The following ATRNL1 variants were observed in gnomAD, a reference collection of about 807,000 sequenced individuals.
The protein encoded by ATRNL1 is attractin like 1.
A neutral mutation model predicts 182.7 loss-of-function variants in ATRNL1; 95 were observed. The ratio of observed to expected loss-of-function variants is 0.52; its 90% CI spans 0.44 to 0.62. The LOEUF is 0.62. Ranked by LOEUF, ATRNL1 falls within the 20% of genes least tolerant of loss-of-function variation. The pLI is 0.00. For missense variants in ATRNL1, 1,471 were observed against 1,679.5 expected (o/e 0.88, Z 2.17); for synonymous variants, 576 against 568.3 (o/e 1.01, Z -0.19).
intron 27 of ATRNL1, among the ~76,000 whole-genome samples, chr10:115,786,349 A>G (rs868960764): frequency 2.6e-5 from 4 of 152,126 alleles, no homozygotes; most frequent in Admixed American, 6.5e-5. Flanking sequence ...ACAGAAGTGT[A>G]TGGTTTCACA....
chr10:115,808,573 G>A (rs12778588), intron 27 of ATRNL1, among the ~76,000 whole-genome samples: 80,998 of 151,512 alleles, frequency 0.53, 22,081 homozygotes, highest in East Asian at 0.77. Context: ...TGTATGGCTA[G>A]GTATATGTGC....
chr10:115,152,918 T>C (rs1196532071), intron 5 of ATRNL1, among the ~76,000 whole-genome samples: 1 of 152,152 alleles, frequency 6.6e-6, no homozygotes, highest in Admixed American at 6.5e-5. Context: ...AGATTTTTTT[T>C]AGCATGAAGG....
chr10:115,184,973 A>G (rs1847886829), intron 8 of ATRNL1, among the ~76,000 whole-genome samples: 5 of 151,998 alleles, frequency 3.3e-5, no homozygotes, highest in Admixed American at 3.3e-4. Flanking sequence ...TATTTTAGAT[A>G]TATGTTTAGA....
intron 26 of ATRNL1, among the ~76,000 whole-genome samples, chr10:115,717,569 T>TTTTTTTTTTTTA (rs1947294301): frequency 6.9e-6 from 1 of 145,888 alleles, no homozygotes; most frequent in Non-Finnish European, 1.5e-5. Flanking sequence ...TTTTTTTTTT[T>TTTTTTTTTTTTA]GAGATGGAGT....
chr10:115,118,030 C>T (rs1420673681), intron 1 of ATRNL1, among the ~76,000 whole-genome samples: 1 of 152,052 alleles, frequency 6.6e-6, no homozygotes, highest in African/African-American at 2.4e-5. Context: ...AAACCTTTAG[C>T]CCATTTTTAA....
intron 24 of ATRNL1, among the ~76,000 whole-genome samples, chr10:115,486,346 A>C (rs1849021568): frequency 6.6e-6 from 1 of 152,080 alleles, no homozygotes. Context: ...GGTTGAACTA[A>C]TTTACACTCC....
intron 28 of ATRNL1, among the ~76,000 whole-genome samples, chr10:115,877,998 G>A (rs1555107652): frequency 1.3e-5 from 2 of 152,070 alleles, no homozygotes; most frequent in African/African-American, 2.4e-5. Context: ...CTCTTAAGAC[G>A]ACTCCCAGAT....
intron 26 of ATRNL1, among the ~76,000 whole-genome samples, chr10:115,647,950 TC>T (rs1158305719): frequency 1.3e-5 from 2 of 152,182 alleles, no homozygotes; most frequent in African/African-American, 4.8e-5. Flanking sequence ...AAGTCTTTAA[TC>T]CATCTTGAAT....
intron 1 of ATRNL1, among the ~76,000 whole-genome samples, chr10:115,111,025 C>G (rs1343651930): frequency 2.0e-5 from 3 of 152,152 alleles, no homozygotes; most frequent in African/African-American, 7.2e-5. Context: ...CAGTATACTT[C>G]CAGTCTACCA....
At chr10:115,334,148 T>G (rs1855368899) in intron 18 of ATRNL1, 134 bp from the exon 19 acceptor site, 3 of 520,054 alleles carry the variant, frequency 5.8e-6, no homozygotes, top group Non-Finnish European at 9.5e-6. Context: ...TGTTATTAAT[T>G]TTTAAACAAA....
chr10:115,602,929 C>T (rs911393725), intron 26 of ATRNL1, among the ~76,000 whole-genome samples: 7 of 151,204 alleles, frequency 4.6e-5, no homozygotes, highest in Admixed American at 2.0e-4. Flanking sequence ...TCACATAACT[C>T]AGGGATACAC....
chr10:115,317,377 T>G (rs2134019466), intron 18 of ATRNL1, among the ~76,000 whole-genome samples: 1 of 152,312 alleles, frequency 6.6e-6, no homozygotes, highest in Non-Finnish European at 1.5e-5. Flanking sequence ...CTATATGGGG[T>G]CTTCTTTAAT....
rs1303445708 is a variant in ATRNL1 at position 115,093,401 on chromosome 10, C to CG, written c.-346dup. 3 of 220,476 alleles carry CG rather than the reference C, an allele frequency of 1.4e-5. No individual in the cohort carries two copies. Among genetic ancestry groups the CG allele is most frequent in the African/African-American group, 2.4e-5 (1 of 42,448 alleles). The allele number at this position is 220,476 out of a possible 1,614,324, so 13.7% of individuals were successfully genotyped here. On this transcript the variant is annotated 5_prime_UTR_variant, in exon 1 of 29. Coordinates refer to ENST00000355044, the MANE Select transcript of ATRNL1 (RefSeq NM_207303.4). This position sits in a 1 kb window ranked among gnomAD's most constrained non-coding sequence, Gnocchi z 6.1. ...GCCGCGGGCGAGGCGGGGCCGCGCG[C>CG]GGGGTCCCCTCCTCCTGCCGGTCAG...
intron 1 of ATRNL1, chr10:115,096,774 A>C (rs782131491): frequency 4.8e-6 from 6 of 1,257,418 alleles, no homozygotes; most frequent in Non-Finnish European, 6.2e-6. Flanking sequence ...CATTGATTCC[A>C]GTCTTCTGTT....
chr10:115,356,519 CTGTT>C lies in ATRNL1; in HGVS notation c.3175+22103_3175+22106del, dbSNP rs140769971. ...GTGAGGAGAACTGAGGCTATGAAAA[CTGTT>C]TGGCCCTGATGTCAGATATTTTAGC... On this transcript the variant is annotated intron_variant, in intron 19 of 28. Coordinates refer to ENST00000355044, the MANE Select transcript of ATRNL1 (RefSeq NM_207303.4). Among the ~76,000 whole-genome samples, 22 of 152,080 alleles carry C rather than the reference CTGTT, an allele frequency of 1.4e-4. No individual in the cohort carries two copies. In the East Asian group the frequency reaches 3.9e-3, roughly 27 times the overall value.
chr10:115,342,561 G>A (rs1192318965), intron 19 of ATRNL1, among the ~76,000 whole-genome samples: 1 of 152,030 alleles, frequency 6.6e-6, no homozygotes, highest in Non-Finnish European at 1.5e-5. Context: ...ATCTTGAAAA[G>A]TTGTTATTAT....
chr10:115,322,297 A>T (rs1022672017), intron 18 of ATRNL1, among the ~76,000 whole-genome samples: 5 of 151,816 alleles, frequency 3.3e-5, no homozygotes, highest in Non-Finnish European at 5.9e-5. Flanking sequence ...TGAAAGGAGG[A>T]TAAGTATATA....
At chr10:115,214,089 TA>T (rs1265467657) in intron 8 of ATRNL1, among the ~76,000 whole-genome samples, 1 of 147,958 alleles carries the variant, frequency 6.8e-6, no homozygotes. Context: ...CATATCTATC[TA>T]AAAAACATGT....
chr10:115,726,183 G>A lies in ATRNL1; in HGVS notation c.3796-1065G>A, dbSNP rs1047985153. 1.6e-4 allele frequency among the ~76,000 whole-genome samples: 24 copies of A among 152,114 alleles called. No individual in the cohort carries two copies. In the East Asian group the frequency reaches 4.4e-3, roughly 28 times the overall value. ...CTGTGTTCCTTTATCATCTACAAGGGAATTTTATGAATCTTCACTCACAGG... is the reference window on the plus strand; with the variant it reads ...CTGTGTTCCTTTATCATCTACAAGGAAATTTTATGAATCTTCACTCACAGG... On this transcript the variant is annotated intron_variant, in intron 26 of 28. Transcript: ENST00000355044.
Sources: gnomAD v4.1 joint callset for allele counts (sites outside exome capture counted in the v4.1 genomes callset) on GRCh38, gnomAD v4.1.1 for gene constraint, Gnocchi (gnomAD v3.1) non-coding constraint, MANE v1.5 for transcripts, NCBI Gene and HGNC (gene_info 2026-07-23, HGNC 2026-07-21) for gene names.